The following DNAJC5B variants were observed in gnomAD, a reference collection of about 807,000 sequenced individuals.
DNAJC5B encodes the protein dnaJ homolog subfamily C member 5B.
In DNAJC5B, 23 loss-of-function variants were observed where a neutral mutation model predicts 24.7. That is an observed-to-expected ratio of 0.93 (90% confidence interval 0.67 to 1.32). The LOEUF (loss-of-function observed/expected upper bound fraction) is 1.32, where lower values mean the gene tolerates loss of function less well. Ranked by LOEUF, DNAJC5B falls within the 40% of genes most tolerant of loss-of-function variation. The probability of loss-of-function intolerance (pLI) is 0.00; values close to 1 mark genes in which losing one functional copy is unlikely to be tolerated. For missense variants in DNAJC5B, 238 were observed against 240.8 expected, an observed-to-expected ratio of 0.99 and a Z score of 0.08; for synonymous variants, 101 against 90.1, an observed-to-expected ratio of 1.12 and a Z score of -0.68.
chr8:66,041,266 ATGTTCGAAACAAGTGG>A (rs1806602528), intron 1 of DNAJC5B, among the ~76,000 whole-genome samples: 1 of 152,226 alleles, frequency 6.6e-6, no homozygotes, highest in Admixed American at 6.5e-5. Flanking sequence ...TGCACATCAC[ATGTTCGAAACAAGTGG>A]TGTTTGAGCC....
intron 1 of DNAJC5B, among the ~76,000 whole-genome samples, chr8:66,027,281 C>T (rs1035318648): frequency 6.6e-6 from 1 of 152,336 alleles, no homozygotes; most frequent in Non-Finnish European, 1.5e-5. Flanking sequence ...TGCCTCCTCT[C>T]CTCACCTCTT....
upstream of DNAJC5B, among the ~76,000 whole-genome samples, chr8:66,021,191 G>A (rs1160626135): frequency 1.3e-5 from 2 of 152,034 alleles, no homozygotes; most frequent in African/African-American, 2.4e-5. Context: ...GGGTGGATTC[G>A]GGTAAAAATT....
Position 66,076,775 on chromosome 8 carries a change from A to G in DNAJC5B, c.235A>G (p.Ile79Val), listed in dbSNP as rs1807474537. 1.2e-6 allele frequency: 2 copies of G among 1,614,128 alleles called. No individual in the cohort carries two copies. The highest frequency in any genetic ancestry group is 1.7e-5 in the Admixed American group (1 of 60,014). The change falls in exon 4 of 6, where the codon ATA becomes GTA. Residue 79 changes from isoleucine (I) to valine (V), a missense_variant. Transcript: ENST00000276570. ...AILTDISKRS[I>V]YDKYGSLGLY... ...ACTTACCGACATTTCAAAGAGAAGC[A>G]TATACGACAAGTACGGATCGCTGGG...
chr8:66,028,422 C>T (rs765286717), intron 1 of DNAJC5B, among the ~76,000 whole-genome samples: 11 of 152,150 alleles, frequency 7.2e-5, no homozygotes, highest in East Asian at 3.8e-4. Context: ...TTCTGTGAAC[C>T]GCCCTGCATG....
At chr8:66,018,083 A>G (rs1004778404), upstream of DNAJC5B, among the ~76,000 whole-genome samples, 5 of 152,124 alleles carry the variant, frequency 3.3e-5, no homozygotes, top group African/African-American at 9.7e-5. Context: ...TGTGCATTCA[A>G]TTTCTTGGTC....
intron 1 of DNAJC5B, among the ~76,000 whole-genome samples, chr8:66,026,213 G>C (rs529755481): frequency 5.4e-5 from 8 of 147,480 alleles, no homozygotes; most frequent in African/African-American, 2.1e-4. Context: ...CTCATGATTT[G>C]GCTCTCTGTT....
intron 1 of DNAJC5B, among the ~76,000 whole-genome samples, chr8:66,033,378 G>A (rs540815041): frequency 6.6e-6 from 1 of 152,356 alleles, no homozygotes; most frequent in South Asian, 2.1e-4. Context: ...CCGGGAAAGA[G>A]CTGAGATTCC....
rs551571822 is a variant in DNAJC5B at position 66,101,134 on chromosome 8, G to A, written c.*1103G>A. On this transcript the variant is annotated 3_prime_UTR_variant, in exon 6 of 6. Coordinates refer to ENST00000276570, the MANE Select transcript of DNAJC5B (RefSeq NM_033105.6). The stretch of plus-strand genomic sequence containing the variant: ...ATAAAATGCCTTTATCTTTTTTCTT[G>A]TTTCTTATTCCCACCCAAAAAATTA... Among the ~76,000 whole-genome samples, 11 of 151,574 alleles carry A rather than the reference G, an allele frequency of 7.3e-5. No individual in the cohort carries two copies. The South Asian group carries it at 2.3e-3, about 32-fold the overall frequency.
intron 4 of DNAJC5B, among the ~76,000 whole-genome samples, chr8:66,079,454 T>C (rs2128964409): frequency 6.6e-6 from 1 of 152,234 alleles, no homozygotes; most frequent in East Asian, 1.9e-4. Context: ...TTGGGCAGGA[T>C]CAGGAAAGAT....
chr8:66,034,992 CTG>C (rs1254865050), intron 1 of DNAJC5B, among the ~76,000 whole-genome samples: 2 of 152,192 alleles, frequency 1.3e-5, no homozygotes, highest in Admixed American at 6.5e-5. Flanking sequence ...GCATTAAAAA[CTG>C]TGCTAAATAA....
At chr8:66,089,355 G>A (rs1411291602) in intron 5 of DNAJC5B, among the ~76,000 whole-genome samples, 1 of 152,196 alleles carries the variant, frequency 6.6e-6, no homozygotes, top group Non-Finnish European at 1.5e-5. Flanking sequence ...TGGGAACACA[G>A]AGCCAAACCA....
chr8:66,063,584 G>T (rs1807128384), intron 3 of DNAJC5B, among the ~76,000 whole-genome samples: 1 of 152,118 alleles, frequency 6.6e-6, no homozygotes, highest in Non-Finnish European at 1.5e-5. Context: ...CCGGTGGGCT[G>T]CATAACCTCC....
intron 3 of DNAJC5B, among the ~76,000 whole-genome samples, chr8:66,068,886 G>A (rs80156855): frequency 0.029 from 4,342 of 152,236 alleles, 81 homozygotes; most frequent in Non-Finnish European, 0.045. Flanking sequence ...ACTTACAGCT[G>A]ATTTTCCAAC....
At chr8:66,018,055 C>T (rs60520895), upstream of DNAJC5B, among the ~76,000 whole-genome samples, 71,415 of 152,046 alleles carry the variant, frequency 0.47, 21,549 homozygotes, top group African/African-American at 0.86. Context: ...GTACTACTAT[C>T]GAGAGCACTC....
intron 1 of DNAJC5B, among the ~76,000 whole-genome samples, chr8:66,040,178 T>G (rs1806577096): frequency 6.6e-6 from 1 of 151,972 alleles, no homozygotes; most frequent in Admixed American, 6.6e-5. Flanking sequence ...TATCATGAGG[T>G]CAGGAGATCG....
intron 3 of DNAJC5B, among the ~76,000 whole-genome samples, chr8:66,073,376 G>A (rs190162496): frequency 2.0e-5 from 3 of 152,020 alleles, no homozygotes; most frequent in Non-Finnish European, 4.4e-5. Flanking sequence ...TCGTTAAAAA[G>A]ATTGAAATAG....
intron 5 of DNAJC5B, among the ~76,000 whole-genome samples, chr8:66,095,700 A>G (rs1334824533): frequency 7.2e-6 from 1 of 137,952 alleles, no homozygotes; most frequent in Non-Finnish European, 1.6e-5. Context: ...CACACATACA[A>G]TGTTCTTATA....
At chr8:66,045,807 G>T (rs945224618) in intron 2 of DNAJC5B, among the ~76,000 whole-genome samples, 4 of 152,120 alleles carry the variant, frequency 2.6e-5, no homozygotes, top group African/African-American at 9.7e-5. Flanking sequence ...TCCTCACACA[G>T]GAAAAGATAC....
chr8:66,059,180 G>T (rs1807028784), intron 3 of DNAJC5B, among the ~76,000 whole-genome samples: 1 of 152,146 alleles, frequency 6.6e-6, no homozygotes, highest in Admixed American at 6.5e-5. Context: ...GAAGTCTAAG[G>T]CTCATTTAAT....
Sources: allele counts gnomAD v4.1 joint callset (sites outside exome capture counted in the v4.1 genomes callset), GRCh38; gene constraint gnomAD v4.1.1; transcripts MANE v1.5; gene names NCBI Gene and HGNC (gene_info 2026-07-23, HGNC 2026-07-21).